Variants in DOCK1 observed in about 807,000 individuals in gnomAD.
DOCK1 encodes the protein dedicator of cytokinesis 1.
Under a neutral mutation model 262.7 loss-of-function variants are expected in DOCK1, and 138 were observed. The observed-to-expected ratio is 0.53, with a 90% confidence interval of 0.46 to 0.61. The LOEUF (loss-of-function observed/expected upper bound fraction) is 0.61, where lower values mean the gene tolerates loss of function less well. DOCK1 is among the 20% of genes least tolerant of loss of function. The pLI is 0.00. For missense variants in DOCK1, 1,908 were observed against 2,370.7 expected (o/e 0.80, Z 4.05); for synonymous variants, 866 against 867.4 (o/e 1.00, Z 0.03).
chr10:127,190,725 C>T (rs2056690013), intron 27 of DOCK1, among the ~76,000 whole-genome samples: 1 of 134,766 alleles, frequency 7.4e-6, no homozygotes, highest in South Asian at 2.6e-4. Context: ...TTAAAATCCC[C>T]CACCGCCTTG....
chr10:127,158,794 A>G (rs1267082438), intron 27 of DOCK1, among the ~76,000 whole-genome samples: 1 of 152,230 alleles, frequency 6.6e-6, no homozygotes, highest in Non-Finnish European at 1.5e-5. Flanking sequence ...GTATCGTCCC[A>G]TGGCAGTTAG....
intron 1 of DOCK1, among the ~76,000 whole-genome samples, chr10:126,938,048 C>CTTTTT (rs36168243): frequency 1.4e-5 from 2 of 143,260 alleles, no homozygotes; most frequent in South Asian, 4.5e-4. Flanking sequence ...CCAGCTTCAT[C>CTTTTT]TTTTTTTTTT....
intron 27 of DOCK1, among the ~76,000 whole-genome samples, chr10:127,239,449 A>T (rs1252205051): frequency 2.0e-5 from 3 of 152,284 alleles, no homozygotes; most frequent in Admixed American, 2.0e-4. Flanking sequence ...ATATTTAATG[A>T]TGTGTGTGAC....
chr10:127,231,186 A>G (rs182774177), intron 27 of DOCK1, among the ~76,000 whole-genome samples: 87 of 151,986 alleles, frequency 5.7e-4, no homozygotes, highest in Middle Eastern at 3.4e-3. Flanking sequence ...TTGCTTTGAA[A>G]ATGATCACAT....
chr10:127,443,514 C>T (rs1484876857), intron 49 of DOCK1, among the ~76,000 whole-genome samples: 1 of 152,094 alleles, frequency 6.6e-6, no homozygotes, highest in Non-Finnish European at 1.5e-5. Flanking sequence ...TCTTAAGTCT[C>T]CACCTTTTCC....
At position 127,018,733 on chromosome 10, in the gene DOCK1, C is replaced by A. The variant is rs1206994380; in HGVS notation, c.1225C>A (p.Leu409Ile). Residue 409 changes from leucine to isoleucine, a missense_variant, in exon 13 of 52, where the codon CTT becomes ATT. Physicochemically the swap from Leu to Ile is conservative, Grantham distance 5. Transcript: ENST00000623213. Reference protein sequence around the residue: ...GQGLWVTLKLLPGDIHQIRKE... With the variant: ...GQGLWVTLKLIPGDIHQIRKE... ...AGGTTTGTGGGTAACATTGAAATTA[C>A]TTCCTGGAGATATCCATCAGATCCG... 1.2e-6 allele frequency: 2 copies of A among 1,614,044 alleles called. No individual in the cohort carries two copies.
chr10:127,392,724 AAGG>A (rs1402913926), intron 38 of DOCK1, among the ~76,000 whole-genome samples: 1 of 152,128 alleles, frequency 6.6e-6, no homozygotes, highest in Non-Finnish European at 1.5e-5. Flanking sequence ...GGGAGAGCGA[AAGG>A]CCATGCCTCC....
chr10:127,383,396 T>C (rs747630256), intron 37 of DOCK1, among the ~76,000 whole-genome samples: 7 of 152,262 alleles, frequency 4.6e-5, no homozygotes, highest in Non-Finnish European at 1.0e-4. Flanking sequence ...AATCTAGTTT[T>C]GCTTTTATTC....
chr10:127,404,505 G>A, intron 40 of DOCK1, 76 bp downstream of exon 40: 5 of 1,448,088 alleles, frequency 3.5e-6, no homozygotes, highest in Non-Finnish European at 3.8e-6. Context: ...CTGAGGAAGG[G>A]TGGGGAGTTT....
chr10:127,380,932 C>T (rs2065791045), intron 36 of DOCK1, among the ~76,000 whole-genome samples: 3 of 152,066 alleles, frequency 2.0e-5, no homozygotes. Flanking sequence ...GCTCTTTATT[C>T]TGATGGATTT....
At position 127,070,885 on chromosome 10, in the gene DOCK1, C is replaced by T. The variant is rs181332815; in HGVS notation, c.2445+9109C>T. Among the ~76,000 whole-genome samples the T allele has an allele frequency of 2.1e-4, 32 of 152,150 alleles. No homozygotes were observed. In the East Asian group the frequency reaches 2.5e-3, roughly 12 times the overall value. On this transcript the variant is annotated intron_variant, in intron 23 of 51. Coordinates refer to ENST00000623213, the MANE Select transcript of DOCK1 (RefSeq NM_001290223.2). ...TGAGTCAGAAGTGGCCACGCCTCGC[C>T]TTGCACAGACAGCTGCTGTGTGAGC...
intron 1 of DOCK1, among the ~76,000 whole-genome samples, chr10:126,935,779 C>T (rs1397032090): frequency 6.6e-6 from 1 of 152,238 alleles, no homozygotes; most frequent in Non-Finnish European, 1.5e-5. Flanking sequence ...GGTTCCTGGG[C>T]CATCTCCACC....
Position 126,951,427 on chromosome 10 carries a change from GGTA to G in DOCK1, c.47-19271_47-19269del, listed in dbSNP as rs1288992705. On this transcript the variant is annotated intron_variant, in intron 1 of 51. Coordinates refer to ENST00000623213, the MANE Select transcript of DOCK1 (RefSeq NM_001290223.2). ...TGCTAATATTAGTGATAGTGGTGGT[GGTA>G]GTATTGTTGGTAGTGTTGGTAGTAT... Among the ~76,000 whole-genome samples, 3 of 151,702 alleles carry G rather than the reference GGTA, an allele frequency of 2.0e-5. No homozygotes were observed. The East Asian group carries it at 5.8e-4, about 29-fold the overall frequency.
At chr10:127,132,435 A>G (rs1357660898) in intron 27 of DOCK1, among the ~76,000 whole-genome samples, 1 of 152,230 alleles carries the variant, frequency 6.6e-6, no homozygotes, top group Non-Finnish European at 1.5e-5. Flanking sequence ...AGGTCATTTT[A>G]TCTTTACTCT....
chr10:127,126,086 C>CTTTTT (rs11307702), intron 26 of DOCK1, among the ~76,000 whole-genome samples: 1 of 135,326 alleles, frequency 7.4e-6, no homozygotes, highest in Non-Finnish European at 1.6e-5. Flanking sequence ...TACCCTATTC[C>CTTTTT]TTTTTTTTTT....
chr10:127,259,278 T>C (rs76897266), intron 29 of DOCK1, among the ~76,000 whole-genome samples: 2,484 of 152,324 alleles, frequency 0.016, 82 homozygotes, highest in African/African-American at 0.056. Flanking sequence ...AGCTTCTCAG[T>C]CGTCATCTAG....
At chr10:127,283,830 CATT>C (rs1180263802) in intron 29 of DOCK1, among the ~76,000 whole-genome samples, 2 of 152,258 alleles carry the variant, frequency 1.3e-5, no homozygotes, top group African/African-American at 4.8e-5. Context: ...TTGCAGATAA[CATT>C]GTAGTGAGTG....
intron 22 of DOCK1, among the ~76,000 whole-genome samples, chr10:127,055,209 G>A (rs1466036674): frequency 6.6e-6 from 1 of 151,858 alleles, no homozygotes; most frequent in African/African-American, 2.4e-5. Flanking sequence ...GAAGAGTTCC[G>A]AGTTCATGCA....
At chr10:127,242,649 T>C (rs1416498002) in intron 27 of DOCK1, among the ~76,000 whole-genome samples, 1 of 152,192 alleles carries the variant, frequency 6.6e-6, no homozygotes, top group African/African-American at 2.4e-5. Context: ...ATGTTTTTTT[T>C]GTTGTTGTTG....
Sources: gnomAD v4.1 joint callset for allele counts (sites outside exome capture counted in the v4.1 genomes callset) on GRCh38, gnomAD v4.1.1 for gene constraint, MANE v1.5 for transcripts, NCBI Gene and HGNC (gene_info 2026-07-23, HGNC 2026-07-21) for gene names.